The following EYS variants were observed in gnomAD, a reference collection of about 807,000 sequenced individuals.
EYS encodes EGF-like photoreceptor maintenance factor, also known as protein eyes shut homolog.
In EYS, 250 loss-of-function variants were observed where a neutral mutation model predicts 282.1. That is an observed-to-expected ratio of 0.89 (90% CI 0.80 to 0.98). The LOEUF (loss-of-function observed/expected upper bound fraction) is 0.98, where lower values mean the gene tolerates loss of function less well. EYS is among the 50% of genes least tolerant of loss of function. The pLI is 0.00. For missense variants in EYS, 4,016 were observed against 3,709.0 expected, an observed-to-expected ratio of 1.08 and a Z score of -2.15; for synonymous variants, 1,355 against 1,282.9, an observed-to-expected ratio of 1.06 and a Z score of -1.20.
intron 22 of EYS, among the ~76,000 whole-genome samples, chr6:64,710,379 G>A (rs1397273165): frequency 6.6e-6 from 1 of 152,154 alleles, no homozygotes; most frequent in Admixed American, 6.5e-5. Context: ...TGCCAAGCAT[G>A]GGCCATCCCT....
chr6:64,480,472 A>G (rs909021372), intron 26 of EYS, among the ~76,000 whole-genome samples: 1 of 151,860 alleles, frequency 6.6e-6, no homozygotes, highest in Non-Finnish European at 1.5e-5. Context: ...AAAAATGGGA[A>G]GAGTGAAGAA....
intron 22 of EYS, among the ~76,000 whole-genome samples, chr6:64,702,881 T>C (rs1770838914): frequency 1.3e-5 from 2 of 151,894 alleles, no homozygotes; most frequent in South Asian, 2.1e-4. Context: ...TGTAACAAAT[T>C]CTTAATGGCT....
intron 22 of EYS, among the ~76,000 whole-genome samples, chr6:64,674,769 C>T (rs1769593944): frequency 6.6e-6 from 1 of 151,532 alleles, no homozygotes; most frequent in Non-Finnish European, 1.5e-5. Flanking sequence ...TATACATACA[C>T]ACACACACAC....
chr6:63,864,319 A>C lies in EYS; in HGVS notation c.7095T>G (p.Tyr2365Ter), dbSNP rs398123575. The change falls in exon 36 of 43, where the codon TAT (tyrosine) becomes TAG (stop). Residue 2365 changes from tyrosine to a stop codon, truncating the protein, a stop_gained. Coordinates refer to ENST00000503581, the MANE Select transcript of EYS (RefSeq NM_001142800.2). LOFTEE classifies it high-confidence loss of function. ...ENLFCECPRL[Y>*]SGKLCQFASC... ...TTGCAAACTGGCACAGCTTGCCTGA[A>C]TACAGCCTTGGACACTCACAAAACA... 89 of 1,551,738 alleles carry C rather than the reference A, an allele frequency of 5.7e-5. No homozygotes were observed. The highest frequency in any genetic ancestry group is 7.6e-5 in the Non-Finnish European group (87 of 1,146,936).
chr6:64,312,902 T>C (rs28786721), intron 29 of EYS, among the ~76,000 whole-genome samples: 1 of 139,896 alleles, frequency 7.1e-6, no homozygotes, highest in South Asian at 2.4e-4. Flanking sequence ...AAACCAAAGA[T>C]AGATAAATCC....
At chr6:65,160,072 T>C (rs1764817410) in intron 12 of EYS, among the ~76,000 whole-genome samples, 1 of 151,016 alleles carries the variant, frequency 6.6e-6, no homozygotes, top group East Asian at 2.0e-4. Context: ...ATTTTTCTCA[T>C]ATTTGTTGCT....
At position 64,565,954 on chromosome 6, in the gene EYS, T is replaced by C. The variant is rs566424831; in HGVS notation, c.5644+24269A>G. 2.6e-3 allele frequency among the ~76,000 whole-genome samples: 375 copies of C among 145,884 alleles called. 4 individuals are homozygous for C. The highest frequency in any genetic ancestry group is 8.9e-3 in the African/African-American group (348 of 39,134). On this transcript the variant is annotated intron_variant, in intron 26 of 42. Coordinates refer to ENST00000503581, the MANE Select transcript of EYS (RefSeq NM_001142800.2). ...AGAAAAGAAAAAGAAATCATACAAA[T>C]TAAAAAAAAAAAAAACACCAAGCAT...
intron 12 of EYS, among the ~76,000 whole-genome samples, chr6:65,144,526 G>T (rs746333793): frequency 6.6e-6 from 1 of 152,028 alleles, no homozygotes; most frequent in South Asian, 2.1e-4. Context: ...CTGGGTTCTT[G>T]ATCCAAATAA....
intron 5 of EYS, among the ~76,000 whole-genome samples, chr6:65,428,777 C>G (rs1767760233): frequency 6.6e-6 from 1 of 152,084 alleles, no homozygotes; most frequent in Non-Finnish European, 1.5e-5. Flanking sequence ...TAAGTTGGAT[C>G]AAATTGCAGT....
chr6:64,491,145 G>A (rs1184957214), intron 26 of EYS, among the ~76,000 whole-genome samples: 2 of 150,746 alleles, frequency 1.3e-5, no homozygotes, highest in African/African-American at 4.8e-5. Context: ...AGCTTTTAAT[G>A]GGATCTATGT....
At chr6:64,368,208 C>T (rs1772242584) in intron 29 of EYS, among the ~76,000 whole-genome samples, 1 of 152,040 alleles carries the variant, frequency 6.6e-6, no homozygotes, top group South Asian at 2.1e-4. Flanking sequence ...GCTTTCTGTT[C>T]CTGTGTTAGT....
chr6:64,026,352 T>C (rs1415492514), intron 33 of EYS, among the ~76,000 whole-genome samples: 1 of 152,124 alleles, frequency 6.6e-6, no homozygotes, highest in East Asian at 1.9e-4. Flanking sequence ...CGGTTTTGTC[T>C]TTCAGATGGG....
At chr6:64,871,936 T>C (rs1766610970) in intron 19 of EYS, among the ~76,000 whole-genome samples, 1 of 151,960 alleles carries the variant, frequency 6.6e-6, no homozygotes, top group African/African-American at 2.4e-5. Flanking sequence ...CATTTGCCAA[T>C]GAAAAGAGCA....
At chr6:65,270,603 G>A (rs980367462) in intron 12 of EYS, among the ~76,000 whole-genome samples, 2 of 151,882 alleles carry the variant, frequency 1.3e-5, no homozygotes, top group African/African-American at 4.8e-5. Context: ...TAATAATTTG[G>A]TCTTCAAGTC....
chr6:64,451,151 T>A, intron 26 of EYS, among the ~76,000 whole-genome samples: 1 of 151,606 alleles, frequency 6.6e-6, no homozygotes, highest in Non-Finnish European at 1.5e-5. Flanking sequence ...ATCAAATAGA[T>A]GCAATAAAAA....
chr6:64,682,025 G>T (rs1769916870), intron 22 of EYS, among the ~76,000 whole-genome samples: 1 of 152,170 alleles, frequency 6.6e-6, no homozygotes. Context: ...GCCTCTCTGG[G>T]CACAGAGGAG....
intron 30 of EYS, among the ~76,000 whole-genome samples, chr6:64,270,873 G>C (rs958383791): frequency 4.6e-5 from 7 of 152,016 alleles, no homozygotes. Flanking sequence ...AAACAGCATA[G>C]TTGTTAATTT....
chr6:64,459,830 T>G (rs1775684545), intron 26 of EYS, among the ~76,000 whole-genome samples: 1 of 152,134 alleles, frequency 6.6e-6, no homozygotes, highest in Non-Finnish European at 1.5e-5. Flanking sequence ...ACTCAAATGT[T>G]AATTTCCTTT....
intron 22 of EYS, among the ~76,000 whole-genome samples, chr6:64,780,543 G>C (rs1022556731): frequency 3.3e-5 from 5 of 152,070 alleles, no homozygotes; most frequent in Non-Finnish European, 7.4e-5. Context: ...CGGGGTTGAG[G>C]GTTGAACAAT....
Sources: gnomAD v4.1 joint callset for allele counts (sites outside exome capture counted in the v4.1 genomes callset) on GRCh38, gnomAD v4.1.1 for gene constraint, MANE v1.5 for transcripts, NCBI Gene and HGNC (gene_info 2026-07-23, HGNC 2026-07-21) for gene names.